The following OSCAR variants were observed in gnomAD, a reference collection of about 807,000 sequenced individuals.
The protein encoded by OSCAR is osteoclast associated Ig-like receptor, also known as osteoclast-associated immunoglobulin-like receptor.
In OSCAR, 25 loss-of-function variants were observed where a neutral mutation model predicts 27.3. The observed-to-expected ratio is 0.92, with a 90% CI of 0.67 to 1.28. The LOEUF (loss-of-function observed/expected upper bound fraction) is 1.28. Among genes scored for constraint, OSCAR ranks in the 50% most tolerant of loss-of-function variants. The pLI, the probability that OSCAR is intolerant of heterozygous loss-of-function variation, is 0.00. For missense variants in OSCAR, 354 were observed against 355.1 expected, an observed-to-expected ratio of 1.00 and a Z score of 0.03; for synonymous variants, 158 against 165.7, an observed-to-expected ratio of 0.95 and a Z score of 0.36.
At chr19:54,095,521 AG>A (rs2072596956) in intron 4 of OSCAR, 164 bp from the exon 5 acceptor site, 23 of 1,392,354 alleles carry the variant, frequency 1.7e-5, no homozygotes, top group Middle Eastern at 2.6e-4. Flanking sequence ...TCCAGGAAGA[AG>A]GGGCTGGGGC....
In OSCAR at chr19:54,095,211, C is replaced by T. The variant is rs757827661; in HGVS notation, c.*10G>A. ...AGGTTGGAAGTCTCGGGCTGCAGTG[C>T]TCCTGGGGCTCAGGGGCGGATACCA... On this transcript the variant is annotated 3_prime_UTR_variant, in exon 5 of 5. Coordinates refer to ENST00000358375, the MANE Select transcript of OSCAR (RefSeq NM_133169.6). 2 of 1,609,880 alleles carry T rather than the reference C, an allele frequency of 1.2e-6. No homozygotes were observed. Among genetic ancestry groups the T allele is most frequent in the South Asian group, 2.2e-5 (2 of 90,308 alleles).
Position 54,099,775 on chromosome 19 carries a change from G to C in OSCAR, c.43C>G (p.Leu15Val), listed in dbSNP as rs1464662285. 1 of 1,613,654 alleles carries C rather than the reference G, an allele frequency of 6.2e-7. No homozygotes were observed. ...LILQLLTLWP[L>V]CHTDITPSVP... ...GACGGAGTGATGTCTGTGTGACACAGAGGCCCTGTAGGAGGTTGAGGGACT... is the reference window on the plus strand; with the variant it reads ...GACGGAGTGATGTCTGTGTGACACACAGGCCCTGTAGGAGGTTGAGGGACT... Residue 15 changes from leucine (L) to valine (V), a missense_variant, in exon 2 of 5, where the codon CTG (leucine) becomes GTG (valine). Physicochemically the swap from Leu to Val is conservative, Grantham distance 32. Transcript: ENST00000358375.
At chr19:54,099,556 T>A in intron 2 of OSCAR, 192 bp downstream of exon 2, 1 of 1,554,212 alleles carries the variant, frequency 6.4e-7, no homozygotes, top group Middle Eastern at 1.7e-4. Context: ...AGCTTAGGCC[T>A]CTGCCTCAGA....
Position 54,095,218 on chromosome 19 carries a change from G to A in OSCAR, c.*3C>T. On this transcript the variant is annotated 3_prime_UTR_variant, in exon 5 of 5. Transcript: ENST00000358375. Reference sequence around the variant, plus strand: ...AAGTCTCGGGCTGCAGTGCTCCTGGGGCTCAGGGGCGGATACCAGCAGGAG... The same window carrying A: ...AAGTCTCGGGCTGCAGTGCTCCTGGAGCTCAGGGGCGGATACCAGCAGGAG... 1 of 1,611,256 alleles carries A rather than the reference G, an allele frequency of 6.2e-7. No homozygotes were observed. The highest frequency in any genetic ancestry group is 8.5e-7 in the Non-Finnish European group (1 of 1,178,900).
Position 54,094,803 on chromosome 19 carries a change from T to G in OSCAR, c.*418A>C. 1 of 162,362 alleles carries G rather than the reference T, an allele frequency of 6.2e-6. No homozygotes were observed. The highest frequency in any genetic ancestry group is 1.3e-5 in the Non-Finnish European group (1 of 75,376). 10.1% of individuals were successfully genotyped at this position (162,362 alleles called of 1,614,324 possible). A position where few individuals can be genotyped will look rare whatever the true frequency, so the allele number is the denominator to read the frequency against. ...CGCCCGTGTCCTGCTGATTGGTCCA[T>G]TTTACAGAGCGCTGATTGGTCCATC... On this transcript the variant is annotated 3_prime_UTR_variant, in exon 5 of 5. Coordinates refer to ENST00000358375, the MANE Select transcript of OSCAR (RefSeq NM_133169.6).
chr19:54,095,155 C>A lies in OSCAR; in HGVS notation c.*66G>T, dbSNP rs2072562169. The A allele has an allele frequency of 6.4e-7, 1 of 1,560,070 alleles. No homozygotes were observed. Among genetic ancestry groups the A allele is most frequent in the East Asian group, 2.3e-5 (1 of 43,766 alleles). On this transcript the variant is annotated 3_prime_UTR_variant, in exon 5 of 5. Transcript: ENST00000358375. Reference sequence around the variant, plus strand: ...CTGTGGGGCTGCAGGAAAGGACAGTCCAGCCCAGGGTCCCAGCTTCTCCGC... The same window carrying A: ...CTGTGGGGCTGCAGGAAAGGACAGTACAGCCCAGGGTCCCAGCTTCTCCGC...
chr19:54,099,766 T>C lies in OSCAR; in HGVS notation c.52A>G (p.Thr18Ala), dbSNP rs2072947951. ...QLLTLWPLCHTDITPSVPPAS... is the reference protein window; with the variant it reads ...QLLTLWPLCHADITPSVPPAS... Reference sequence around the variant, plus strand: ...TACTCACCAGACGGAGTGATGTCTGTGTGACACAGAGGCCCTGTAGGAGGT... The same window carrying C: ...TACTCACCAGACGGAGTGATGTCTGCGTGACACAGAGGCCCTGTAGGAGGT... Residue 18 changes from threonine (T) to alanine (A), a missense_variant, in exon 2 of 5, where the codon ACA becomes GCA. Transcript: ENST00000358375. 6.2e-7 allele frequency: 1 copy of C among 1,613,044 alleles called. No individual in the cohort carries two copies. Among genetic ancestry groups the C allele is most frequent in the South Asian group, 1.1e-5 (1 of 91,054 alleles).
intron 2 of OSCAR, among the ~76,000 whole-genome samples, chr19:54,099,229 A>ATTTTTTTTTTTTTTTTTTTTTTTTTTTTT (rs1228940404): frequency 3.6e-5 from 3 of 82,418 alleles, no homozygotes; most frequent in Non-Finnish European, 4.2e-5. Flanking sequence ...CACCCGGCTA[A>ATTTTTTTTTTTTTTTTTTTTTTTTTTTTT]TTTTTTTTTT....
intron 2 of OSCAR, among the ~76,000 whole-genome samples, chr19:54,099,262 C>G (rs1192181679): frequency 1.1e-5 from 1 of 87,988 alleles, no homozygotes; most frequent in South Asian, 3.6e-4. Flanking sequence ...TTAGTAGAGA[C>G]GGGGTTTCAC....
rs2072558987 is a variant in OSCAR, at chr19:54,095,110, G to A, written c.*111C>T. On this transcript the variant is annotated 3_prime_UTR_variant, in exon 5 of 5. Transcript: ENST00000358375. ...CACAGCGGGGTCTAAGGACCGTTCC[G>A]CGGAGCTCAGCCAGCAGGACTGTGG... 3.4e-6 allele frequency: 5 copies of A among 1,465,392 alleles called. No individual in the cohort carries two copies. Among genetic ancestry groups the A allele is most frequent in the South Asian group, 1.4e-5 (1 of 71,336 alleles). 90.8% of individuals were successfully genotyped at this position (1,465,392 alleles called of 1,614,324 possible).
intron 4 of OSCAR, 32 bp downstream of exon 4, chr19:54,095,840 G>A (rs587644898): frequency 1.2e-5 from 18 of 1,551,374 alleles, no homozygotes; most frequent in Admixed American, 3.9e-5. Flanking sequence ...TTCCTGGGGC[G>A]GAGGAGGCGG....
chr19:54,099,501 C>T lies in OSCAR; in HGVS notation c.70+247G>A, dbSNP rs374665521. ...TAGCAAGCTGTGACTTGTTCTAGGTCATATGGTCACATATAAATGAATACG... is the reference window on the plus strand; with the variant it reads ...TAGCAAGCTGTGACTTGTTCTAGGTTATATGGTCACATATAAATGAATACG... On this transcript the variant is annotated intron_variant, in intron 2 of 4. Transcript: ENST00000358375. The T allele has an allele frequency of 3.7e-5, 46 of 1,240,478 alleles. No homozygotes were observed. The African/African-American group carries it at 6.1e-4, about 16-fold the overall frequency. 76.8% of individuals were successfully genotyped at this position (1,240,478 alleles called of 1,614,324 possible).
In OSCAR at chr19:54,094,737, T is replaced by C. The variant is rs975773155; in HGVS notation, c.*484A>G. 2.0e-5 allele frequency: 3 copies of C among 152,988 alleles called. No homozygotes were observed. The highest frequency in any genetic ancestry group is 7.2e-5 in the African/African-American group (3 of 41,460). The allele number at this position is 152,988 out of a possible 1,614,324, so 9.5% of individuals were successfully genotyped here. On this transcript the variant is annotated 3_prime_UTR_variant, in exon 5 of 5. Coordinates refer to ENST00000358375, the MANE Select transcript of OSCAR (RefSeq NM_133169.6). ...CCCACAACGTGGAAGCAGACTCTGG[T>C]GGGGTGCCGCGCTCGCCAGCTTTTA...
chr19:54,100,620 C>G, intron 1 of OSCAR, 136 bp downstream of exon 1: 1 of 934,164 alleles, frequency 1.1e-6, no homozygotes, highest in Non-Finnish European at 1.6e-6. Flanking sequence ...GTCTGGGCCC[C>G]AGCCCTGTTC....
At chr19:54,099,851 C>T (rs1188623912) in intron 1 of OSCAR, 71 bp from the exon 2 acceptor site, 12 of 1,523,498 alleles carry the variant, frequency 7.9e-6, no homozygotes, top group South Asian at 6.1e-5. Context: ...CTCACTCTGT[C>T]GCCCAGGCTG....
chr19:54,099,894 C>T, intron 1 of OSCAR, 114 bp from the exon 2 acceptor site: 1 of 1,236,288 alleles, frequency 8.1e-7, no homozygotes, highest in Non-Finnish European at 1.1e-6. Context: ...CTCACTGCAA[C>T]CTCTGCCTCC....
chr19:54,095,124 G>A lies in OSCAR; in HGVS notation c.*97C>T. ...AGGACCGTTCCGCGGAGCTCAGCCA[G>A]CAGGACTGTGGGGCTGCAGGAAAGG... On this transcript the variant is annotated 3_prime_UTR_variant, in exon 5 of 5. Transcript: ENST00000358375. 2.0e-6 allele frequency: 3 copies of A among 1,495,106 alleles called. No homozygotes were observed. Among genetic ancestry groups the A allele is most frequent in the Non-Finnish European group, 2.7e-6 (3 of 1,117,910 alleles). The allele number at this position is 1,495,106 out of a possible 1,614,324, so 92.6% of individuals were successfully genotyped here.
rs1316180765 is a variant in OSCAR at position 54,097,013 on chromosome 19, G to A, written c.222C>T (p.Leu74=). The A allele has an allele frequency of 3.1e-6, 5 of 1,614,082 alleles. No homozygotes were observed. The African/African-American group carries it at 4.0e-5, about 13-fold the overall frequency. ...LFKPGEIAPL[L]FRDVSSELAE... ...CCAGCTCGGAGGACACATCCCGGAA[G>A]AGAAGGGGAGCGATCTCTCCAGGCT... Residue 74 remains leucine, a synonymous_variant, in exon 3 of 5, where the codon CTC becomes CTT. Coordinates refer to ENST00000358375, the MANE Select transcript of OSCAR (RefSeq NM_133169.6).
At chr19:54,096,760 C>G in intron 3 of OSCAR, 102 bp downstream of exon 3, 4 of 1,284,984 alleles carry the variant, frequency 3.1e-6, no homozygotes, top group Non-Finnish European at 4.2e-6. Flanking sequence ...GTCTGTGAAT[C>G]TGTTTGCCCG....
Sources: allele counts gnomAD v4.1 joint callset (sites outside exome capture counted in the v4.1 genomes callset), GRCh38; gene constraint gnomAD v4.1.1; transcripts MANE v1.5; gene names NCBI Gene and HGNC (gene_info 2026-07-23, HGNC 2026-07-21).